The following MS4A6A variants were observed in gnomAD, a reference collection of about 807,000 sequenced individuals.
MS4A6A encodes the protein membrane spanning 4-domains A6A.
A neutral mutation model predicts 20.6 loss-of-function variants in MS4A6A; 19 were observed. The ratio of observed to expected loss-of-function variants is 0.92; its 90% CI spans 0.64 to 1.36. MS4A6A has a LOEUF of 1.36. Among genes scored for constraint, MS4A6A ranks in the 40% most tolerant of loss-of-function variants. The pLI is 0.00. For missense variants in MS4A6A, 272 were observed against 261.1 expected, an observed-to-expected ratio of 1.04 and a Z score of -0.29; for synonymous variants, 108 against 105.0, an observed-to-expected ratio of 1.03 and a Z score of -0.17.
upstream of MS4A6A, chr11:60,183,310 C>A: frequency 1.3e-6 from 1 of 782,616 alleles, no homozygotes. Context: ...CAAGTCTGTT[C>A]TTGAAGCTTC....
At chr11:60,173,648 A>G (rs1381234568) in intron 5 of MS4A6A, among the ~76,000 whole-genome samples, 2 of 152,146 alleles carry the variant, frequency 1.3e-5, no homozygotes, top group African/African-American at 4.8e-5. Context: ...AAAATTTAGT[A>G]TTGACATCCC....
At chr11:60,175,012 A>G (rs979579189) in intron 5 of MS4A6A, among the ~76,000 whole-genome samples, 17 of 152,038 alleles carry the variant, frequency 1.1e-4, no homozygotes, top group African/African-American at 4.1e-4. Context: ...CCATGCACAC[A>G]TACTGTTTCC....
upstream of MS4A6A, chr11:60,183,183 T>C: frequency 6.5e-7 from 1 of 1,535,904 alleles, no homozygotes; most frequent in South Asian, 1.2e-5. Context: ...TCTGTAAACT[T>C]CTAGCAACTT....
rs77935709 is a variant in MS4A6A at position 60,173,697 on chromosome 11, T to A, written c.550-568A>T. On this transcript the variant is annotated intron_variant, in intron 5 of 5. Transcript: ENST00000528851. ...GAACCCCTTTGTATTTCTTCTTGAT[T>A]TTTGTTGTTGTTTCTTTGTTGTTTT... Among the ~76,000 whole-genome samples, 226 of 152,388 alleles carry A rather than the reference T, an allele frequency of 1.5e-3. 3 individuals carry two copies. The East Asian group carries it at 0.039, about 27-fold the overall frequency.
intron 4 of MS4A6A, among the ~76,000 whole-genome samples, chr11:60,175,932 G>A (rs186108587): frequency 1.3e-5 from 2 of 152,188 alleles, no homozygotes; most frequent in African/African-American, 4.8e-5. Context: ...ATTACCAAGA[G>A]AGCGTGACCC....
intron 2 of MS4A6A, chr11:60,180,712 A>G (rs1286541979): frequency 4.4e-6 from 1 of 228,738 alleles, no homozygotes; most frequent in East Asian, 1.2e-4. Context: ...TGTTCTCATC[A>G]TTTAGAGGCC....
upstream of MS4A6A, chr11:60,183,102 C>T (rs185371882): frequency 7.0e-5 from 106 of 1,524,032 alleles, no homozygotes; most frequent in South Asian, 1.2e-3. Flanking sequence ...TTCCTTATTC[C>T]AGTGTTTACA....
Position 60,176,842 on chromosome 11 carries a change from T to G in MS4A6A, c.340-1231A>C, listed in dbSNP as rs115129278. On this transcript the variant is annotated intron_variant, in intron 4 of 5. Transcript: ENST00000528851. ...CTCGCTAAAGCCTCGATGTCTCTGGTAAGTCTGAGCCCACCCCGAGACCAC... is the reference window on the plus strand; with the variant it reads ...CTCGCTAAAGCCTCGATGTCTCTGGGAAGTCTGAGCCCACCCCGAGACCAC... Among the ~76,000 whole-genome samples the G allele has an allele frequency of 4.5e-3, 685 of 152,178 alleles. 1 individual carries two copies. The highest frequency in any genetic ancestry group is 0.016 in the African/African-American group (663 of 41,504).
intron 4 of MS4A6A, chr11:60,177,356 T>C (rs1442677735): frequency 1.3e-5 from 2 of 152,172 alleles, no homozygotes; most frequent in Admixed American, 6.5e-5. Flanking sequence ...AGCTTCCAAA[T>C]TGAGTCTCGG....
chr11:60,182,599 G>C (rs592496), intron 1 of MS4A6A: 141,016 of 152,448 alleles, frequency 0.93, 65,601 homozygotes, highest in Non-Finnish European at 0.98. Flanking sequence ...GGCTCGCGTC[G>C]TTGGTCCTCC....
At chr11:60,180,010 T>C in intron 2 of MS4A6A, 45 bp from the exon 3 acceptor site, 1 of 1,598,208 alleles carries the variant, frequency 6.3e-7, no homozygotes, top group Non-Finnish European at 8.5e-7. Flanking sequence ...CCAGCATTTG[T>C]AAAGACAGGG....
downstream of MS4A6A, chr11:60,172,225 A>G (rs758006775): frequency 1.1e-5 from 17 of 1,613,394 alleles, no homozygotes; most frequent in East Asian, 2.2e-4. Flanking sequence ...AGAATTACCA[A>G]TGTAACTGTG....
chr11:60,183,364 G>T, upstream of MS4A6A: 2 of 576,842 alleles, frequency 3.5e-6, no homozygotes, highest in Non-Finnish European at 6.1e-6. Flanking sequence ...CAACACTGGA[G>T]AATTGTCATA....
intron 4 of MS4A6A, among the ~76,000 whole-genome samples, chr11:60,176,366 C>T (rs886303092): frequency 1.3e-5 from 2 of 152,202 alleles, no homozygotes; most frequent in Non-Finnish European, 2.9e-5. Context: ...CTAGACTTGC[C>T]TTGGTTTATT....
intron 3 of MS4A6A, chr11:60,178,739 G>T: frequency 2.5e-6 from 1 of 405,024 alleles, no homozygotes; most frequent in Middle Eastern, 3.5e-4. Flanking sequence ...TTGTGTCAGT[G>T]ACATTATGTT....
In MS4A6A at chr11:60,173,021, C is replaced by T; in HGVS notation, c.658G>A (p.Val220Met). The T allele has an allele frequency of 6.2e-7, 1 of 1,614,102 alleles. No individual in the cohort carries two copies. The highest frequency in any genetic ancestry group is 8.5e-7 in the Non-Finnish European group (1 of 1,179,970). The change falls in exon 6 of 6, where the codon GTG becomes ATG. Residue 220 changes from valine (V) to methionine (M), a missense_variant. Coordinates refer to ENST00000528851, the MANE Select transcript of MS4A6A (RefSeq NM_022349.4). ...QAYSDFPGVS[V>M]LAGFT ...CAAGGTTAAGTGAAGCCGGCCAGCA[C>T]ACTCACCCCAGGGAAGTCAGAGTAA... is the stretch of plus-strand genomic sequence containing the variant.
upstream of MS4A6A, chr11:60,183,118 A>G (rs2083827961): frequency 2.0e-6 from 3 of 1,535,204 alleles, no homozygotes; most frequent in South Asian, 2.4e-5. Context: ...TTACAGCTAT[A>G]CAGGATGTGA....
rs1464982652 is a variant in MS4A6A at position 60,173,099 on chromosome 11, G to C, written c.580C>G (p.Leu194Val). 1.9e-6 allele frequency: 3 copies of C among 1,614,098 alleles called. No homozygotes were observed. The highest frequency in any genetic ancestry group is 2.2e-5 in the East Asian group (1 of 44,880). The change falls in exon 6 of 6, where the codon CTG becomes GTG. Residue 194 changes from leucine (L) to valine (V), a missense_variant. By Grantham distance (32) the Leu-to-Val change is conservative. Coordinates refer to ENST00000528851, the MANE Select transcript of MS4A6A (RefSeq NM_022349.4). ...AGCACAGCTAGGCAGAATTCCAGCA[G>C]AGTGCAAATCAGCATCAGAGAGAGA... ...GTLSLMLICTLLEFCLAVLTA... is the reference protein window; with the variant it reads ...GTLSLMLICTVLEFCLAVLTA...
Position 60,172,726 on chromosome 11 carries a change from C to A in MS4A6A, c.*275G>T. Reference sequence around the variant, plus strand: ...CCTCAGCAAAGGCACAAACTCATAGCATAATGCCAGGCCAGTCATTTAACT... The same window carrying A: ...CCTCAGCAAAGGCACAAACTCATAGAATAATGCCAGGCCAGTCATTTAACT... On this transcript the variant is annotated 3_prime_UTR_variant, in exon 6 of 6. Coordinates refer to ENST00000528851, the MANE Select transcript of MS4A6A (RefSeq NM_022349.4). 8.1e-7 allele frequency: 1 copy of A among 1,238,326 alleles called. No homozygotes were observed. The highest frequency in any genetic ancestry group is 1.0e-6 in the Non-Finnish European group (1 of 975,636). The allele number at this position is 1,238,326 out of a possible 1,614,324, so 76.7% of individuals were successfully genotyped here. A position where few individuals can be genotyped will look rare whatever the true frequency, so the allele number is the denominator to read the frequency against.
Sources: allele counts gnomAD v4.1 joint callset (sites outside exome capture counted in the v4.1 genomes callset), GRCh38; gene constraint gnomAD v4.1.1; transcripts MANE v1.5; gene names NCBI Gene and HGNC (gene_info 2026-07-23, HGNC 2026-07-21).